Variants in AOPEP observed in about 807,000 individuals in gnomAD.
AOPEP encodes the protein aminopeptidase O (putative).
A neutral mutation model predicts 98.1 loss-of-function variants in AOPEP; 77 were observed. The observed-to-expected ratio is 0.78, with a 90% CI of 0.65 to 0.95. The LOEUF (loss-of-function observed/expected upper bound fraction) is 0.95. Among genes scored for constraint, AOPEP ranks in the 40% least tolerant of loss-of-function variants. The pLI is 0.00. For missense variants in AOPEP, 1,024 were observed against 1,024.7 expected (o/e 1.00, Z 0.01); for synonymous variants, 346 against 365.3 (o/e 0.95, Z 0.60).
chr9:95,005,643 T>G (rs1388339120), intron 13 of AOPEP, 27 bp downstream of exon 13: 1 of 1,596,520 alleles, frequency 6.3e-7, no homozygotes, highest in African/African-American at 1.3e-5. Context: ...CGGTACTCGG[T>G]GCAGGTCTTG....
intron 13 of AOPEP, chr9:95,005,985 C>T (rs1290888375): frequency 4.1e-6 from 2 of 485,332 alleles, no homozygotes; most frequent in Admixed American, 2.4e-5. Flanking sequence ...CCATGCTGTA[C>T]TTTCTCTCAC....
At chr9:95,058,747 T>A (rs2067057053) in intron 13 of AOPEP, among the ~76,000 whole-genome samples, 1 of 151,594 alleles carries the variant, frequency 6.6e-6, no homozygotes, top group Non-Finnish European at 1.5e-5. Context: ...ACGACTGGGG[T>A]GAAAAGGAAG....
chr9:94,883,887 C>T (rs1456063212), intron 5 of AOPEP, among the ~76,000 whole-genome samples: 1 of 152,120 alleles, frequency 6.6e-6, no homozygotes, highest in Non-Finnish European at 1.5e-5. Context: ...GCCAGGAGAC[C>T]ACACAGAATG....
At chr9:95,041,446 G>GGTGTGTGT (rs57837059) in intron 13 of AOPEP, among the ~76,000 whole-genome samples, 219 of 142,102 alleles carry the variant, frequency 1.5e-3, no homozygotes, top group East Asian at 3.0e-3. Context: ...AGTCCTTGGG[G>GGTGTGTGT]GTGTGTGTGT....
intron 5 of AOPEP, among the ~76,000 whole-genome samples, chr9:94,908,705 TA>T (rs1185106724): frequency 6.6e-6 from 1 of 152,166 alleles, no homozygotes; most frequent in Non-Finnish European, 1.5e-5. Context: ...CCCAGGAAGC[TA>T]AATATCTTTG....
the AOPEP span, among the ~76,000 whole-genome samples, chr9:95,097,278 C>A: frequency 6.6e-6 from 1 of 152,248 alleles, no homozygotes; most frequent in Non-Finnish European, 1.5e-5. Flanking sequence ...GAGCTGGAGA[C>A]ATTTTTATTG....
At chr9:94,773,483 C>T (rs1841345655) in intron 3 of AOPEP, among the ~76,000 whole-genome samples, 1 of 152,032 alleles carries the variant, frequency 6.6e-6, no homozygotes, top group African/African-American at 2.4e-5. Flanking sequence ...GCAGGTGTAC[C>T]ATGGAAACAC....
In AOPEP at chr9:95,060,754, C is replaced by T. The variant is rs1587851409; in HGVS notation, c.2176C>T (p.Pro726Ser). ...TCTCTTGGAGCAGAAGACTCTGAGC[C>T]CCCGAACTCTGCAAAGCCTCCAGAG... ...EHLLEQKTLS[P>S]RTLQSLQRTY... is the part of the protein sequence containing the mutation. The change falls in exon 14 of 17, where the codon CCC becomes TCC. Residue 726 changes from proline (P) to serine (S), a missense_variant. This residue lies in a region of AOPEP where 566 missense variants were observed against 551.7 expected (regional missense o/e 1.03). Transcript: ENST00000375315. 2.5e-6 allele frequency: 4 copies of T among 1,614,092 alleles called. No homozygotes were observed. The East Asian group carries it at 8.9e-5, about 36-fold the overall frequency.
rs150915771 is a variant in AOPEP at position 94,966,141 on chromosome 9, C to T, written c.1873-1617C>T. On this transcript the variant is annotated intron_variant, in intron 9 of 16. Transcript: ENST00000375315. ...CAGACTTGGTTCTATTGGGAGGCTTCGGTCTGCAGTTCACTGGGTGTCATC... is the reference window on the plus strand; with the variant it reads ...CAGACTTGGTTCTATTGGGAGGCTTTGGTCTGCAGTTCACTGGGTGTCATC... 6.3e-3 allele frequency among the ~76,000 whole-genome samples: 934 copies of T among 147,420 alleles called. 10 individuals carry two copies. Among genetic ancestry groups the T allele is most frequent in the African/African-American group, 0.023 (899 of 39,084 alleles).
downstream of AOPEP, among the ~76,000 whole-genome samples, chr9:95,089,036 C>T (rs75866525): frequency 3.2e-3 from 481 of 152,362 alleles, 13 homozygotes; most frequent in South Asian, 0.045. Context: ...CCGCCACTCT[C>T]TCCAGGCAGG....
intron 1 of AOPEP, among the ~76,000 whole-genome samples, chr9:94,749,462 A>G (rs1835208240): frequency 6.6e-6 from 1 of 152,146 alleles, no homozygotes; most frequent in African/African-American, 2.4e-5. Flanking sequence ...AGTTGTGCTC[A>G]CTGCTTACTG....
intron 6 of AOPEP, among the ~76,000 whole-genome samples, chr9:94,924,472 G>C (rs992263230): frequency 6.6e-6 from 1 of 152,218 alleles, no homozygotes; most frequent in Non-Finnish European, 1.5e-5. Flanking sequence ...GTAAGAGAAG[G>C]CCTCTCTGAT....
intron 5 of AOPEP, among the ~76,000 whole-genome samples, chr9:94,827,884 C>T (rs916254361): frequency 6.6e-6 from 1 of 150,996 alleles, no homozygotes; most frequent in Non-Finnish European, 1.5e-5. Context: ...GGCTGTTTAA[C>T]TCTCAGATTC....
At chr9:95,054,849 A>G (rs2133843542) in intron 13 of AOPEP, among the ~76,000 whole-genome samples, 1 of 152,362 alleles carries the variant, frequency 6.6e-6, no homozygotes, top group South Asian at 2.1e-4. Context: ...TGATTCTGCT[A>G]GACAAATATG....
chr9:94,982,565 CTTTTTTT>C (rs532615813), intron 11 of AOPEP, among the ~76,000 whole-genome samples: 1 of 134,588 alleles, frequency 7.4e-6, no homozygotes, highest in Admixed American at 7.6e-5. Context: ...AAGAGCAATA[CTTTTTTT>C]TTTTTTTTTT....
At chr9:95,110,990 C>A in the AOPEP span, 2 of 1,421,448 alleles carry the variant, frequency 1.4e-6, no homozygotes, top group Non-Finnish European at 1.8e-6. Context: ...TAAATAAAGC[C>A]AGTAATGTGA....
At chr9:95,093,787 A>G in the AOPEP span, among the ~76,000 whole-genome samples, 12 of 152,252 alleles carry the variant, frequency 7.9e-5, no homozygotes, top group Admixed American at 6.5e-4. Context: ...CGATGGCTGC[A>G]TTGCATGGAC....
the AOPEP span, chr9:95,100,280 A>ATACTT: frequency 4.3e-6 from 1 of 232,786 alleles, no homozygotes; most frequent in Admixed American, 5.6e-5. Flanking sequence ...TGCCACCAAA[A>ATACTT]TACTTTACCA....
At chr9:94,829,013 C>T (rs932829671) in intron 5 of AOPEP, among the ~76,000 whole-genome samples, 5 of 151,720 alleles carry the variant, frequency 3.3e-5, no homozygotes, top group East Asian at 3.9e-4. Flanking sequence ...GGATTACAGG[C>T]GCGGGGCACC....
Sources: allele counts gnomAD v4.1 joint callset (sites outside exome capture counted in the v4.1 genomes callset), GRCh38; gene constraint gnomAD v4.1.1; regional missense constraint gnomAD v4.1.1; transcripts MANE v1.5; gene names NCBI Gene and HGNC (gene_info 2026-07-23, HGNC 2026-07-21).